PRKCD: variants seen among roughly 807,000 people sequenced by gnomAD.
PRKCD encodes protein kinase C delta type.
In PRKCD, 20 loss-of-function variants were observed where a neutral mutation model predicts 82.2. The ratio of observed to expected loss-of-function variants is 0.24; its 90% CI spans 0.17 to 0.35. The LOEUF is 0.35. Among genes scored for constraint, PRKCD ranks in the 10% least tolerant of loss-of-function variants. The probability of loss-of-function intolerance (pLI) is 1.00; values close to 1 mark genes in which losing one functional copy is unlikely to be tolerated. For missense variants in PRKCD, 607 were observed against 899.0 expected (o/e 0.68, Z 4.15); for synonymous variants, 317 against 337.0 (o/e 0.94, Z 0.65).
chr3:53,170,439 C>T (rs1389694911), intron 2 of PRKCD, among the ~76,000 whole-genome samples: 6 of 152,234 alleles, frequency 3.9e-5, no homozygotes, highest in African/African-American at 1.4e-4. Context: ...CAAGCCCTCC[C>T]CTCCCCCTGC....
In PRKCD at chr3:53,181,434, T is replaced by C. The variant is rs782061483; in HGVS notation, c.377-10T>C. 2.5e-6 allele frequency: 4 copies of C among 1,614,006 alleles called. No homozygotes were observed. Among genetic ancestry groups the C allele is most frequent in the Non-Finnish European group, 3.4e-6 (4 of 1,179,990 alleles). ...TACCAGGGCTGACTTCCCTACTCCATGGTCACCAGATTGCAAACAGTCTAT... is the reference window on the plus strand; with the variant it reads ...TACCAGGGCTGACTTCCCTACTCCACGGTCACCAGATTGCAAACAGTCTAT... On this transcript the variant is annotated splice_polypyrimidine_tract_variant and intron_variant, in intron 5 of 18. Coordinates refer to ENST00000330452, the MANE Select transcript of PRKCD (RefSeq NM_006254.4).
At chr3:53,188,977 C>T in intron 16 of PRKCD, 81 bp from the exon 17 acceptor site, 3 of 1,570,862 alleles carry the variant, frequency 1.9e-6, no homozygotes, top group South Asian at 1.2e-5. Context: ...CTGAGGCGGC[C>T]TGGCTAGGCT....
chr3:53,162,304 G>A (rs908831906), intron 1 of PRKCD, among the ~76,000 whole-genome samples: 1 of 152,062 alleles, frequency 6.6e-6, no homozygotes, highest in South Asian at 2.1e-4. Context: ...GTGGTGGAGC[G>A]GCAGAAGGAG....
rs1559616546 is a variant in PRKCD at position 53,169,602 on chromosome 3, G to C, written c.-20+4387G>C. Among the ~76,000 whole-genome samples, 1 of 152,178 alleles carries C rather than the reference G, an allele frequency of 6.6e-6. No homozygotes were observed. Among genetic ancestry groups the C allele is most frequent in the South Asian group, 2.1e-4 (1 of 4,834 alleles). ...CTGCGTGGTGTAGGTTGTGGGCTGG[G>C]GTTGTTGGGGTGGGAGGAGGATCCC... On this transcript the variant is annotated intron_variant, in intron 2 of 18. Coordinates refer to ENST00000330452, the MANE Select transcript of PRKCD (RefSeq NM_006254.4). The surrounding 1 kb of genome is among the most constrained non-coding windows in gnomAD (Gnocchi z 4.7).
At chr3:53,190,103 A>C in intron 18 of PRKCD, 102 bp downstream of exon 18, 2 of 1,502,192 alleles carry the variant, frequency 1.3e-6, no homozygotes, top group East Asian at 2.3e-5. Flanking sequence ...CCCTTCTTCC[A>C]GCAATCTCCA....
At chr3:53,182,721 T>C (rs1553667966) in intron 7 of PRKCD, among the ~76,000 whole-genome samples, 1 of 152,242 alleles carries the variant, frequency 6.6e-6, no homozygotes, top group Non-Finnish European at 1.5e-5. Flanking sequence ...GCTTTGTGTG[T>C]ATGTACAGGT....
In PRKCD at chr3:53,169,366, G is replaced by C. The variant is rs146447237; in HGVS notation, c.-20+4151G>C. Among the ~76,000 whole-genome samples the C allele has an allele frequency of 1.7e-3, 258 of 152,242 alleles. No homozygotes were observed. Among genetic ancestry groups the C allele is most frequent in the African/African-American group, 6.0e-3 (248 of 41,550 alleles). ...GAGAGGGCTCAACAGGCCTTCTAAG[G>C]GGTGGGGGAGCATTTGAGAGGCCCA... On this transcript the variant is annotated intron_variant, in intron 2 of 18. Transcript: ENST00000330452. The surrounding 1 kb of genome is among the most constrained non-coding windows in gnomAD (Gnocchi z 4.7).
rs1451416804 is a variant in PRKCD at position 53,192,615 on chromosome 3, T to G, written c.*349T>G. ...GGGGGACTGGTGATATGTTGATCTT[T>G]TTCAAAAAAATATATATATGACAAA... On this transcript the variant is annotated 3_prime_UTR_variant, in exon 19 of 19. Transcript: ENST00000330452. 1 of 141,308 alleles carries G rather than the reference T, an allele frequency of 7.1e-6. No homozygotes were observed. The highest frequency in any genetic ancestry group is 1.5e-5 in the Non-Finnish European group (1 of 66,772). 8.8% of individuals were successfully genotyped at this position (141,308 alleles called of 1,614,324 possible).
intron 2 of PRKCD, among the ~76,000 whole-genome samples, chr3:53,166,456 G>A (rs1223977304): frequency 6.6e-6 from 1 of 152,180 alleles, no homozygotes; most frequent in African/African-American, 2.4e-5. Context: ...GCTCACACAG[G>A]GATATGGCAA....
intron 17 of PRKCD, 64 bp from the exon 18 acceptor site, chr3:53,189,809 A>T: frequency 6.2e-7 from 1 of 1,606,038 alleles, no homozygotes; most frequent in East Asian, 2.2e-5. Context: ...CCTGCTGGGG[A>T]TTTGCTGAAG....
intron 1 of PRKCD, among the ~76,000 whole-genome samples, chr3:53,163,573 C>T (rs1702744038): frequency 6.6e-6 from 1 of 152,070 alleles, no homozygotes; most frequent in African/African-American, 2.4e-5. Flanking sequence ...GCTGAGTGTC[C>T]TTATCTGCAG....
chr3:53,181,093 C>T (rs1160038984), intron 4 of PRKCD, 114 bp from the exon 5 acceptor site: 1 of 1,175,036 alleles, frequency 8.5e-7, no homozygotes, highest in East Asian at 2.6e-5. Flanking sequence ...CTGGCTAGGC[C>T]TTGGGGGGCT....
chr3:53,184,989 T>C lies in PRKCD; in HGVS notation c.888+15T>C. The C allele has an allele frequency of 6.2e-7, 1 of 1,610,056 alleles. No homozygotes were observed. The highest frequency in any genetic ancestry group is 8.5e-7 in the Non-Finnish European group (1 of 1,176,458). ...AAGTCACCCAGGTGGGCAGGTGCCA[T>C]GGGGACCCTGGACACAGGGCAGTGG... On this transcript the variant is annotated intron_variant, in intron 10 of 18. Transcript: ENST00000330452.
intron 2 of PRKCD, among the ~76,000 whole-genome samples, chr3:53,166,007 A>T (rs1176086650): frequency 5.3e-5 from 8 of 152,156 alleles, no homozygotes; most frequent in Non-Finnish European, 8.8e-5. Context: ...GGTGCTAATG[A>T]AGCTGGAGCC....
intron 2 of PRKCD, among the ~76,000 whole-genome samples, chr3:53,175,483 G>T (rs1265097908): frequency 6.6e-6 from 1 of 152,202 alleles, no homozygotes; most frequent in Non-Finnish European, 1.5e-5. Flanking sequence ...GGAAATGGGG[G>T]GGCTGAGGCT....
chr3:53,172,181 G>A (rs570256288), intron 2 of PRKCD, among the ~76,000 whole-genome samples: 2 of 152,182 alleles, frequency 1.3e-5, no homozygotes, highest in South Asian at 2.1e-4. Context: ...CCTGGTGGAG[G>A]AACCCTAAAG....
chr3:53,164,283 T>C (rs1412909995), intron 1 of PRKCD, among the ~76,000 whole-genome samples: 3 of 152,078 alleles, frequency 2.0e-5, no homozygotes, highest in Non-Finnish European at 4.4e-5. Flanking sequence ...GCACAAGAGA[T>C]TAAAAAATGT....
In PRKCD at chr3:53,181,686, G is replaced by T; in HGVS notation, c.540-15G>T. On this transcript the variant is annotated splice_polypyrimidine_tract_variant and intron_variant, in intron 6 of 18. Transcript: ENST00000330452. Reference sequence around the variant, plus strand: ...GGTCCCCGCTCACTCACTTTGCCTGGGTTTTGCCTTTCAGGGGCCTCAACA... The same window carrying T: ...GGTCCCCGCTCACTCACTTTGCCTGTGTTTTGCCTTTCAGGGGCCTCAACA... 1 of 1,612,548 alleles carries T rather than the reference G, an allele frequency of 6.2e-7. No homozygotes were observed. Among genetic ancestry groups the T allele is most frequent in the African/African-American group, 1.3e-5 (1 of 75,038 alleles).
intron 2 of PRKCD, among the ~76,000 whole-genome samples, chr3:53,176,087 A>C (rs1703204462): frequency 1.3e-5 from 2 of 152,124 alleles, no homozygotes; most frequent in South Asian, 4.1e-4. Context: ...CCTGGGGAGC[A>C]GCCAGCAGCA....
Sources: gnomAD v4.1 joint callset for allele counts (sites outside exome capture counted in the v4.1 genomes callset) on GRCh38, gnomAD v4.1.1 for gene constraint, Gnocchi (gnomAD v3.1) non-coding constraint, MANE v1.5 for transcripts, NCBI Gene and HGNC (gene_info 2026-07-23, HGNC 2026-07-21) for gene names.